Variants in PDE8A observed in about 807,000 individuals in gnomAD.
PDE8A encodes the protein phosphodiesterase 8A, also known as high affinity cAMP-specific and IBMX-insensitive 3',5'-cyclic phosphodiesterase 8A.
In PDE8A, 59 loss-of-function variants were observed where a neutral mutation model predicts 105.0. The ratio of observed to expected loss-of-function variants is 0.56; its 90% confidence interval spans 0.46 to 0.70. PDE8A has a LOEUF of 0.70. PDE8A is among the 30% of genes least tolerant of loss of function. The probability of loss-of-function intolerance (pLI) is 0.00; values close to 1 mark genes in which losing one functional copy is unlikely to be tolerated. For missense variants in PDE8A, 1,014 were observed against 1,045.9 expected (o/e 0.97, Z 0.42); for synonymous variants, 355 against 371.9 (o/e 0.95, Z 0.52).
chr15:85,026,331 G>A (rs1423702008), intron 1 of PDE8A, among the ~76,000 whole-genome samples: 1 of 152,070 alleles, frequency 6.6e-6, no homozygotes, highest in Non-Finnish European at 1.5e-5. Flanking sequence ...TCTGGGCTGG[G>A]GTGCCTTGAA....
intron 1 of PDE8A, among the ~76,000 whole-genome samples, chr15:85,059,372 A>C (rs1008673550): frequency 3.3e-5 from 5 of 152,188 alleles, no homozygotes; most frequent in Non-Finnish European, 5.9e-5. Context: ...TATGTCTATT[A>C]GATCTTGTTG....
At chr15:85,061,867 C>G (rs1279887438) in intron 1 of PDE8A, among the ~76,000 whole-genome samples, 1 of 152,026 alleles carries the variant, frequency 6.6e-6, no homozygotes, top group Admixed American at 6.5e-5. Flanking sequence ...TTTTGCCTGC[C>G]CAAATTTGCC....
chr15:84,997,590 A>G (rs1203219655), intron 1 of PDE8A, among the ~76,000 whole-genome samples: 2 of 151,174 alleles, frequency 1.3e-5, no homozygotes, highest in African/African-American at 4.9e-5. Flanking sequence ...TGCCATGTAC[A>G]TCTTTTTTTG....
intron 3 of PDE8A, among the ~76,000 whole-genome samples, chr15:85,071,248 T>C (rs974590892): frequency 6.6e-6 from 1 of 152,196 alleles, no homozygotes; most frequent in African/African-American, 2.4e-5. Flanking sequence ...TTACTCCCAC[T>C]GTGTTCTGCC....
chr15:85,009,091 G>A (rs380185), intron 1 of PDE8A, among the ~76,000 whole-genome samples: 102,155 of 141,858 alleles, frequency 0.72, 35,487 homozygotes, highest in Non-Finnish European at 0.76. Flanking sequence ...GTTAGTGTGT[G>A]AGAGAGAGAG....
At chr15:85,122,502 A>G (rs1052112865) in intron 18 of PDE8A, among the ~76,000 whole-genome samples, 1 of 152,256 alleles carries the variant, frequency 6.6e-6, no homozygotes, top group Admixed American at 6.5e-5. Flanking sequence ...GGAAAACTAC[A>G]TGAGACCCTA....
At chr15:85,104,972 G>A (rs1482069598) in intron 11 of PDE8A, among the ~76,000 whole-genome samples, 1 of 152,018 alleles carries the variant, frequency 6.6e-6, no homozygotes, top group African/African-American at 2.4e-5. Flanking sequence ...CTGGGGGTGA[G>A]GTAAACAGTA....
At chr15:85,071,542 A>T (rs2081310783) in intron 3 of PDE8A, among the ~76,000 whole-genome samples, 1 of 152,238 alleles carries the variant, frequency 6.6e-6, no homozygotes, top group East Asian at 1.9e-4. Context: ...AAATTGCATC[A>T]GTTCTCAGGT....
At chr15:85,067,782 T>C (rs59174275) in intron 3 of PDE8A, among the ~76,000 whole-genome samples, 13,471 of 152,092 alleles carry the variant, frequency 0.089, 1,656 homozygotes, top group African/African-American at 0.28. Flanking sequence ...AACCCATGGG[T>C]TAAAAACCGA....
At chr15:85,030,840 T>G (rs2080603436) in intron 1 of PDE8A, among the ~76,000 whole-genome samples, 1 of 152,244 alleles carries the variant, frequency 6.6e-6, no homozygotes, top group Non-Finnish European at 1.5e-5. Context: ...GATTTTTCCC[T>G]TGGACAGAGT....
chr15:85,125,815 C>T (rs2082250077), intron 19 of PDE8A, among the ~76,000 whole-genome samples: 1 of 151,906 alleles, frequency 6.6e-6, no homozygotes. Context: ...AGCTCATACT[C>T]TTTTTTAATA....
At chr15:85,114,519 G>A (rs945030135) in intron 14 of PDE8A, among the ~76,000 whole-genome samples, 1 of 152,160 alleles carries the variant, frequency 6.6e-6, no homozygotes. Context: ...CTAGAAGGGG[G>A]CTTTGTGTCA....
chr15:85,016,741 T>C lies in PDE8A; in HGVS notation c.186+34393T>C, dbSNP rs1187603125. Reference sequence around the variant, plus strand: ...GTTGTATTATATTTACAAATTAGTATAGGGAGAACTGACATCATTGTGATG... The same window carrying C: ...GTTGTATTATATTTACAAATTAGTACAGGGAGAACTGACATCATTGTGATG... On this transcript the variant is annotated intron_variant, in intron 1 of 21. Transcript: ENST00000394553. 2.0e-5 allele frequency among the ~76,000 whole-genome samples: 3 copies of C among 152,222 alleles called. No homozygotes were observed. In the South Asian group the frequency reaches 6.2e-4, roughly 32 times the overall value.
Position 85,113,422 on chromosome 15 carries a change from T to C in PDE8A, c.1160T>C (p.Met387Thr). 1 of 1,614,114 alleles carries C rather than the reference T, an allele frequency of 6.2e-7. No individual in the cohort carries two copies. Among genetic ancestry groups the C allele is most frequent in the Non-Finnish European group, 8.5e-7 (1 of 1,179,992 alleles). The change falls in exon 13 of 22, where the codon ATG becomes ACG. Residue 387 changes from methionine to threonine, a missense_variant. Met to Thr is a moderately conservative substitution (Grantham distance 81). Transcript: ENST00000394553. ...RHSSMARIHS[M>T]TIEAPITKVI... ...TCTTCCATGGCCCGGATACATTCCA[T>C]GACAATTGAGGCGCCCATCACCAAG...
At chr15:84,999,972 A>T (rs2142175230) in intron 1 of PDE8A, among the ~76,000 whole-genome samples, 2 of 152,330 alleles carry the variant, frequency 1.3e-5, no homozygotes, top group South Asian at 4.1e-4. Context: ...CTGTATAGAA[A>T]TCTAAACATA....
rs1473005219 is a variant in PDE8A, at chr15:85,138,776, C to G, written c.*873C>G. On this transcript the variant is annotated 3_prime_UTR_variant, in exon 22 of 22. Coordinates refer to ENST00000394553, the MANE Select transcript of PDE8A (RefSeq NM_002605.3). ...TCACAGGTAACTCCCCAAGGTAAAA[C>G]TAGACTCTCTTGTTGGTTCGCAAAG... 1 of 152,202 alleles carries G rather than the reference C, an allele frequency of 6.6e-6. No homozygotes were observed. The highest frequency in any genetic ancestry group is 2.4e-5 in the African/African-American group (1 of 41,454). The allele number at this position is 152,202 out of a possible 1,614,324, so 9.4% of individuals were successfully genotyped here.
intron 8 of PDE8A, among the ~76,000 whole-genome samples, chr15:85,093,117 T>C (rs1189110354): frequency 6.6e-6 from 1 of 152,098 alleles, no homozygotes; most frequent in Non-Finnish European, 1.5e-5. Flanking sequence ...GTTGTCCAGG[T>C]TGGTCTCGAA....
At position 85,116,160 on chromosome 15, in the gene PDE8A, C is replaced by T. The variant is rs771084964; in HGVS notation, c.1535+41C>T. 8.7e-6 allele frequency: 14 copies of T among 1,607,476 alleles called. No homozygotes were observed. The Admixed American group carries it at 1.8e-4, about 21-fold the overall frequency. On this transcript the variant is annotated intron_variant, in intron 16 of 21. Transcript: ENST00000394553. ...GCTCAGCAGCGGGAGAACTAGATTC[C>T]CAGGGCCTGTGTGAGGAGGCTACCT...
In PDE8A at chr15:84,987,564, C is replaced by T. The variant is rs187167312; in HGVS notation, c.186+5216C>T. 2.3e-3 allele frequency among the ~76,000 whole-genome samples: 346 copies of T among 150,910 alleles called. 1 individual carries two copies. Among genetic ancestry groups the T allele is most frequent in the African/African-American group, 7.9e-3 (324 of 41,082 alleles). ...TCAGCTTACCACAACCTCCGCCTCC[C>T]GGGTCGAAGCAATTCGCATGCCTTA... On this transcript the variant is annotated intron_variant, in intron 1 of 21. Coordinates refer to ENST00000394553, the MANE Select transcript of PDE8A (RefSeq NM_002605.3).
Sources: gnomAD v4.1 joint callset for allele counts (sites outside exome capture counted in the v4.1 genomes callset) on GRCh38, gnomAD v4.1.1 for gene constraint, MANE v1.5 for transcripts, NCBI Gene and HGNC (gene_info 2026-07-23, HGNC 2026-07-21) for gene names.